STAG1: variants seen among roughly 807,000 people sequenced by gnomAD.
STAG1 encodes STAG1 cohesin complex component.
In STAG1, 26 loss-of-function variants were observed where a neutral mutation model predicts 170.9. The observed-to-expected ratio is 0.15, with a 90% CI of 0.11 to 0.21. STAG1 has a LOEUF of 0.21. Among genes scored for constraint, STAG1 ranks in the 10% least tolerant of loss-of-function variants. STAG1 has a pLI of 1.00. For missense variants in STAG1, 964 were observed against 1,509.5 expected, an observed-to-expected ratio of 0.64 and a Z score of 5.99; for synonymous variants, 514 against 497.7, an observed-to-expected ratio of 1.03 and a Z score of -0.44.
chr3:136,591,855 T>C (rs1161769599), intron 4 of STAG1, among the ~76,000 whole-genome samples: 1 of 152,208 alleles, frequency 6.6e-6, no homozygotes, highest in East Asian at 1.9e-4. Context: ...CATCTTAACC[T>C]TTTCCTTTAC....
intron 9 of STAG1, among the ~76,000 whole-genome samples, chr3:136,496,733 TAAG>T (rs1238819320): frequency 1.3e-5 from 2 of 151,620 alleles, no homozygotes; most frequent in Non-Finnish European, 2.9e-5. Context: ...CTTGAGAAAC[TAAG>T]AAGAGCTGAA....
chr3:136,491,701 C>A (rs183620285), intron 9 of STAG1, among the ~76,000 whole-genome samples: 17 of 152,178 alleles, frequency 1.1e-4, no homozygotes. Flanking sequence ...AGATTAAAAT[C>A]CAATTTGTTG....
intron 22 of STAG1, among the ~76,000 whole-genome samples, chr3:136,383,965 A>AAG (rs1234186678): frequency 1.3e-5 from 2 of 151,374 alleles, no homozygotes; most frequent in Admixed American, 6.6e-5. Flanking sequence ...AAAAAAAAAA[A>AAG]AAAAAAAAGA....
intron 1 of STAG1, among the ~76,000 whole-genome samples, chr3:136,705,076 A>C (rs1943189293): frequency 6.6e-6 from 1 of 151,824 alleles, no homozygotes; most frequent in African/African-American, 2.4e-5. Context: ...GAAGATCATT[A>C]AGAAAATTAA....
intron 28 of STAG1, among the ~76,000 whole-genome samples, chr3:136,357,194 C>T (rs1015496418): frequency 1.3e-5 from 2 of 152,020 alleles, no homozygotes; most frequent in Non-Finnish European, 2.9e-5. Flanking sequence ...GTGATCCGCC[C>T]GTCTCGGCCT....
chr3:136,571,162 T>A (rs1379532858), intron 4 of STAG1, among the ~76,000 whole-genome samples: 1 of 152,126 alleles, frequency 6.6e-6, no homozygotes, highest in African/African-American at 2.4e-5. Context: ...ATAAAGGCAG[T>A]CTGAGTAGAA....
chr3:136,390,361 C>T (rs1325930770), intron 22 of STAG1, among the ~76,000 whole-genome samples: 2 of 152,030 alleles, frequency 1.3e-5, no homozygotes, highest in African/African-American at 4.8e-5. Context: ...GAATAGACAC[C>T]TACTTTTACA....
rs867703722 is a variant in STAG1, at chr3:136,379,180, T to C, written c.2278-1428A>G. Among the ~76,000 whole-genome samples the C allele has an allele frequency of 6.4e-3, 980 of 152,292 alleles. 12 individuals carry two copies. Among genetic ancestry groups the C allele is most frequent in the African/African-American group, 0.022 (933 of 41,562 alleles). ...AACTTCAACATTCCTGAAACTTTAATTTTAAACATTCAAAATACACTGAGG... is the reference window on the plus strand; with the variant it reads ...AACTTCAACATTCCTGAAACTTTAACTTTAAACATTCAAAATACACTGAGG... On this transcript the variant is annotated intron_variant, in intron 22 of 33. Coordinates refer to ENST00000383202, the MANE Select transcript of STAG1 (RefSeq NM_005862.3).
intron 26 of STAG1, among the ~76,000 whole-genome samples, chr3:136,361,325 G>A (rs1021124199): frequency 6.6e-6 from 1 of 152,128 alleles, no homozygotes; most frequent in Non-Finnish European, 1.5e-5. Context: ...CCTGTTGATA[G>A]ACATTTAGAC....
At chr3:136,615,451 A>AAAAAAG (rs1939541238) in intron 3 of STAG1, among the ~76,000 whole-genome samples, 1 of 142,802 alleles carries the variant, frequency 7.0e-6, no homozygotes, top group Non-Finnish European at 1.5e-5. Flanking sequence ...AAAAAAAAAA[A>AAAAAAG]GGAGTGGGGG....
chr3:136,426,087 T>A (rs560218191), intron 16 of STAG1, among the ~76,000 whole-genome samples: 1 of 151,578 alleles, frequency 6.6e-6, no homozygotes, highest in South Asian at 2.1e-4. Context: ...ATTGGAAAAT[T>A]TTTTGGAGAT....
rs1560041559 is a variant in STAG1, at chr3:136,338,297, C to A, written c.3754-20G>T. The stretch of plus-strand genomic sequence containing the variant: ...AAATCCCTAGAAAAATGATGAGAAA[C>A]ATAATTATTAATTTCATGCATAAAC... On this transcript the variant is annotated intron_variant, in intron 33 of 33. Coordinates refer to ENST00000383202, the MANE Select transcript of STAG1 (RefSeq NM_005862.3). 1 of 1,600,260 alleles carries A rather than the reference C, an allele frequency of 6.2e-7. No individual in the cohort carries two copies. The highest frequency in any genetic ancestry group is 8.6e-7 in the Non-Finnish European group (1 of 1,168,650).
chr3:136,623,066 A>G, intron 3 of STAG1, 80 bp downstream of exon 3: 3 of 1,206,658 alleles, frequency 2.5e-6, no homozygotes, highest in Non-Finnish European at 3.5e-6. Context: ...TAACCATACT[A>G]GCACTAGAAT....
intron 23 of STAG1, 58 bp from the exon 24 acceptor site, chr3:136,369,340 CA>C: frequency 5.1e-6 from 7 of 1,367,246 alleles, no homozygotes; most frequent in Non-Finnish European, 6.9e-6. Flanking sequence ...TACAAGTCAA[CA>C]TTAATGAAAA....
At chr3:136,540,331 A>C (rs1041685382) in intron 6 of STAG1, among the ~76,000 whole-genome samples, 1 of 152,104 alleles carries the variant, frequency 6.6e-6, no homozygotes, top group Non-Finnish European at 1.5e-5. Context: ...AACAAAAAAA[A>C]AAAACTAGAA....
intron 1 of STAG1, among the ~76,000 whole-genome samples, chr3:136,669,913 T>G (rs549233140): frequency 5.3e-5 from 8 of 152,360 alleles, no homozygotes; most frequent in African/African-American, 1.7e-4. Context: ...TATACCATAA[T>G]AGTTAAAGAA....
At chr3:136,466,169 C>A (rs926265139) in intron 12 of STAG1, among the ~76,000 whole-genome samples, 18 of 152,136 alleles carry the variant, frequency 1.2e-4, no homozygotes, top group African/African-American at 4.1e-4. Context: ...CTTTCACGAG[C>A]TGACAGAAGA....
rs889590947 is a variant in STAG1 at position 136,627,403 on chromosome 3, GTCTC to G, written c.29+3463_29+3466del. Among the ~76,000 whole-genome samples, 48 of 152,028 alleles carry G rather than the reference GTCTC, an allele frequency of 3.2e-4. No homozygotes were observed. The South Asian group carries it at 4.0e-3, about 13-fold the overall frequency. On this transcript the variant is annotated intron_variant, in intron 2 of 33. Transcript: ENST00000383202. ...AATATTTAGGCTTTTGCATCTCTCT[GTCTC>G]TCTCTCTCAAAATATAAATATCAAT...
At chr3:136,544,359 C>T (rs1445803443) in intron 5 of STAG1, among the ~76,000 whole-genome samples, 1 of 152,122 alleles carries the variant, frequency 6.6e-6, no homozygotes, top group African/African-American at 2.4e-5. Flanking sequence ...TTCTATACAT[C>T]CCTCCAACTA....
Sources: allele counts gnomAD v4.1 joint callset (sites outside exome capture counted in the v4.1 genomes callset), GRCh38; gene constraint gnomAD v4.1.1; transcripts MANE v1.5; gene names NCBI Gene and HGNC (gene_info 2026-07-23, HGNC 2026-07-21).